Variants in CNTN5 observed in about 807,000 individuals in gnomAD.
CNTN5 encodes contactin 5.
In CNTN5, 77 loss-of-function variants were observed where a neutral mutation model predicts 129.1. That is an observed-to-expected ratio of 0.60 (90% CI 0.50 to 0.72). CNTN5 has a LOEUF of 0.72. CNTN5 is among the 30% of genes least tolerant of loss of function. The pLI, the probability that CNTN5 is intolerant of heterozygous loss-of-function variation, is 0.00. For synonymous variants in CNTN5, 509 were observed against 465.6 expected, an observed-to-expected ratio of 1.09 and a Z score of -1.20; for missense variants, 1,478 against 1,328.8, an observed-to-expected ratio of 1.11 and a Z score of -1.75.
intron 1 of CNTN5, among the ~76,000 whole-genome samples, chr11:99,201,316 G>A (rs916398615): frequency 1.5e-5 from 1 of 67,986 alleles, no homozygotes; most frequent in Admixed American, 1.5e-4. Context: ...GAGCCACTGC[G>A]CCTGGCCCCT....
intron 13 of CNTN5, among the ~76,000 whole-genome samples, chr11:100,138,556 G>T (rs1184615030): frequency 6.6e-6 from 1 of 151,978 alleles, no homozygotes; most frequent in Non-Finnish European, 1.5e-5. Context: ...ATCAGAAAAG[G>T]CCTATTCATT....
At chr11:99,580,497 T>C (rs992963624) in intron 3 of CNTN5, among the ~76,000 whole-genome samples, 19 of 152,162 alleles carry the variant, frequency 1.2e-4, no homozygotes, top group African/African-American at 3.9e-4. Flanking sequence ...AATTATTGCC[T>C]CAATTTCAGA....
At chr11:99,073,246 T>A (rs775062772) in intron 1 of CNTN5, among the ~76,000 whole-genome samples, 2 of 152,062 alleles carry the variant, frequency 1.3e-5, no homozygotes, top group Admixed American at 6.6e-5. Context: ...CAAAGGGAGA[T>A]GGTTGAGTCA....
chr11:99,072,087 AG>A (rs576468822), intron 1 of CNTN5, among the ~76,000 whole-genome samples: 8 of 152,234 alleles, frequency 5.3e-5, no homozygotes, highest in African/African-American at 1.7e-4. Flanking sequence ...ATTTATATGA[AG>A]TTGAACAATG....
intron 1 of CNTN5, among the ~76,000 whole-genome samples, chr11:99,148,036 A>G (rs1454253566): frequency 6.6e-6 from 1 of 152,140 alleles, no homozygotes. Context: ...TAATAGTATT[A>G]AACATCATGC....
At position 100,002,094 on chromosome 11, in the gene CNTN5, C is replaced by T. The variant is rs1236151232; in HGVS notation, c.938C>T (p.Ala313Val). The T allele has an allele frequency of 1.3e-6, 2 of 1,597,092 alleles. No individual in the cohort carries two copies. Among genetic ancestry groups the T allele is most frequent in the Non-Finnish European group, 8.5e-7 (1 of 1,174,908 alleles). ...EVHFPFTVTA[A>V]KGTTVKMECF... is the part of the protein sequence containing the mutation. ...CATTTTCCTTTCACGGTTACAGCTG[C>T]TAAAGGAACAACTGTTAAGATGGAA... Residue 313 changes from alanine to valine, a missense_variant, in exon 9 of 25, where the codon GCT becomes GTT. Ala to Val is a moderately conservative substitution (Grantham distance 64). Transcript: ENST00000524871.
At position 99,085,616 on chromosome 11, in the gene CNTN5, A is replaced by G. The variant is rs544293980; in HGVS notation, c.-210+64346A>G. Among the ~76,000 whole-genome samples the G allele has an allele frequency of 3.9e-5, 6 of 152,316 alleles. No individual in the cohort carries two copies. The South Asian group carries it at 1.2e-3, about 32-fold the overall frequency. ...CAAAGACACATTAGCTTAATCAGTG[A>G]AGTAAAATATCAGTAGATTTAATGA... On this transcript the variant is annotated intron_variant, in intron 1 of 24. Coordinates refer to ENST00000524871, the MANE Select transcript of CNTN5 (RefSeq NM_014361.4).
intron 18 of CNTN5, among the ~76,000 whole-genome samples, chr11:100,280,556 T>G (rs892640931): frequency 2.0e-5 from 3 of 152,130 alleles, no homozygotes; most frequent in African/African-American, 7.2e-5. Flanking sequence ...CCCTGTGTTT[T>G]CAATCTATGA....
chr11:99,196,683 T>G (rs1451000641), intron 1 of CNTN5, among the ~76,000 whole-genome samples: 5 of 151,968 alleles, frequency 3.3e-5, no homozygotes, highest in African/African-American at 1.2e-4. Context: ...ATCTATGTTT[T>G]GATGTCTGCA....
chr11:99,754,991 T>C (rs1039621064), intron 3 of CNTN5, among the ~76,000 whole-genome samples: 3 of 152,218 alleles, frequency 2.0e-5, no homozygotes, highest in African/African-American at 7.2e-5. Flanking sequence ...TTTTCCAGAA[T>C]GTATTATAGT....
chr11:100,075,698 A>C (rs914533661), intron 13 of CNTN5, among the ~76,000 whole-genome samples: 14 of 152,140 alleles, frequency 9.2e-5, no homozygotes, highest in African/African-American at 3.4e-4. Flanking sequence ...CACCTGTCAC[A>C]TGAGACAATT....
intron 16 of CNTN5, among the ~76,000 whole-genome samples, chr11:100,255,189 T>C (rs76800615): frequency 0.036 from 5,483 of 152,282 alleles, 367 homozygotes; most frequent in African/African-American, 0.13. Context: ...TTTATGTATG[T>C]CTCAGGTCTG....
At chr11:100,231,475 A>G (rs1949487285) in intron 16 of CNTN5, among the ~76,000 whole-genome samples, 1 of 152,198 alleles carries the variant, frequency 6.6e-6, no homozygotes, top group South Asian at 2.1e-4. Context: ...AAGATTGCCA[A>G]TTGCAATGCT....
At chr11:99,990,431 C>T (rs1010087474) in intron 8 of CNTN5, among the ~76,000 whole-genome samples, 1 of 130,902 alleles carries the variant, frequency 7.6e-6, no homozygotes, top group African/African-American at 3.0e-5. Flanking sequence ...TATTGGCTTC[C>T]CTTATTTTTA....
At chr11:100,197,707 A>C (rs1948680648) in intron 15 of CNTN5, among the ~76,000 whole-genome samples, 1 of 151,994 alleles carries the variant, frequency 6.6e-6, no homozygotes, top group Admixed American at 6.6e-5. Flanking sequence ...ATAGGATATA[A>C]GAAAGTTTCT....
intron 3 of CNTN5, among the ~76,000 whole-genome samples, chr11:99,752,452 T>A (rs1355866931): frequency 6.6e-6 from 1 of 150,710 alleles, no homozygotes; most frequent in Non-Finnish European, 1.5e-5. Flanking sequence ...GACAATCCAG[T>A]GTGACTTAAA....
At chr11:99,582,110 T>C (rs1949623438) in intron 3 of CNTN5, among the ~76,000 whole-genome samples, 1 of 152,154 alleles carries the variant, frequency 6.6e-6, no homozygotes, top group African/African-American at 2.4e-5. Flanking sequence ...GATATGAAAT[T>C]CTGGGTTGAA....
chr11:99,400,709 G>A (rs766906128), intron 2 of CNTN5, among the ~76,000 whole-genome samples: 3 of 152,060 alleles, frequency 2.0e-5, no homozygotes, highest in Non-Finnish European at 4.4e-5. Flanking sequence ...GCATACAAGG[G>A]TTGCCTTTTC....
intron 17 of CNTN5, among the ~76,000 whole-genome samples, chr11:100,262,786 C>T (rs1012905048): frequency 6.6e-6 from 1 of 151,872 alleles, no homozygotes; most frequent in African/African-American, 2.4e-5. Flanking sequence ...CTGGGGCCTG[C>T]CAGGGAGTGG....
Sources: gnomAD v4.1 joint callset for allele counts (sites outside exome capture counted in the v4.1 genomes callset) on GRCh38, gnomAD v4.1.1 for gene constraint, MANE v1.5 for transcripts, NCBI Gene and HGNC (gene_info 2026-07-23, HGNC 2026-07-21) for gene names.